The following ARHGAP10 variants were observed in gnomAD, a reference collection of about 807,000 sequenced individuals.
ARHGAP10 encodes the protein rho GTPase-activating protein 10.
A neutral mutation model predicts 108.6 loss-of-function variants in ARHGAP10; 87 were observed. That is an observed-to-expected ratio of 0.80 (90% CI 0.67 to 0.96). ARHGAP10 has a LOEUF of 0.96. Ranked by LOEUF, ARHGAP10 falls within the 40% of genes least tolerant of loss-of-function variation. ARHGAP10 has a pLI of 0.00. For synonymous variants in ARHGAP10, 347 were observed against 341.1 expected (o/e 1.02, Z -0.19); for missense variants, 939 against 954.5 (o/e 0.98, Z 0.21).
At chr4:147,859,331 G>A (rs1414281352) in intron 5 of ARHGAP10, among the ~76,000 whole-genome samples, 2 of 147,036 alleles carry the variant, frequency 1.4e-5, no homozygotes, top group East Asian at 4.0e-4. Context: ...GGAGTGCAAT[G>A]GTTAGATCTT....
At chr4:147,759,457 C>T (rs1729506468) in intron 1 of ARHGAP10, among the ~76,000 whole-genome samples, 1 of 152,018 alleles carries the variant, frequency 6.6e-6, no homozygotes, top group South Asian at 2.1e-4. Context: ...GCCTGTAGTA[C>T]CAGTTACTTG....
intron 3 of ARHGAP10, among the ~76,000 whole-genome samples, chr4:147,845,568 G>A (rs1165204280): frequency 6.6e-6 from 1 of 152,162 alleles, no homozygotes; most frequent in Non-Finnish European, 1.5e-5. Flanking sequence ...TACATGACTT[G>A]GAATCCCTAT....
chr4:147,951,441 T>C (rs891138568), intron 15 of ARHGAP10, among the ~76,000 whole-genome samples: 4 of 150,412 alleles, frequency 2.7e-5, no homozygotes, highest in Non-Finnish European at 5.9e-5. Flanking sequence ...GAAATGGGAA[T>C]GTAGGGGGAA....
chr4:147,830,739 C>T (rs1332666656), intron 3 of ARHGAP10, among the ~76,000 whole-genome samples: 2 of 152,008 alleles, frequency 1.3e-5, no homozygotes, highest in Admixed American at 6.6e-5. Flanking sequence ...AGGCTGGGCT[C>T]GAACTCGTGA....
chr4:147,802,359 T>C (rs1031675214), intron 1 of ARHGAP10, among the ~76,000 whole-genome samples: 3 of 152,146 alleles, frequency 2.0e-5, no homozygotes, highest in African/African-American at 7.2e-5. Flanking sequence ...AGTGATAGTG[T>C]GATGATGGTT....
At chr4:147,940,794 C>G (rs1738139686) in intron 14 of ARHGAP10, among the ~76,000 whole-genome samples, 1 of 152,168 alleles carries the variant, frequency 6.6e-6, no homozygotes, top group Non-Finnish European at 1.5e-5. Flanking sequence ...AATCAACTGC[C>G]ATGCTACAGA....
chr4:147,887,673 C>A (rs563150605), intron 10 of ARHGAP10, among the ~76,000 whole-genome samples: 1 of 152,024 alleles, frequency 6.6e-6, no homozygotes, highest in South Asian at 2.1e-4. Context: ...AGCAGCCTGA[C>A]CGATATGGTT....
intron 11 of ARHGAP10, among the ~76,000 whole-genome samples, chr4:147,908,330 A>G (rs879591596): frequency 1.3e-5 from 2 of 152,204 alleles, no homozygotes; most frequent in African/African-American, 2.4e-5. Context: ...CCATTAAAAT[A>G]CAGAAAAAAA....
chr4:147,883,867 G>GT (rs1735436636), intron 10 of ARHGAP10, among the ~76,000 whole-genome samples: 1 of 151,964 alleles, frequency 6.6e-6, no homozygotes, highest in African/African-American at 2.4e-5. Context: ...GCTAATTTTT[G>GT]TATTTTCAGT....
chr4:147,829,734 T>G (rs957244745), intron 3 of ARHGAP10, among the ~76,000 whole-genome samples: 1 of 152,246 alleles, frequency 6.6e-6, no homozygotes, highest in Non-Finnish European at 1.5e-5. Flanking sequence ...TCCAGGAATC[T>G]AAGGACTTTT....
Position 148,072,444 on chromosome 4 carries a change from T to C in ARHGAP10, c.*363T>C. 1 of 237,224 alleles carries C rather than the reference T, an allele frequency of 4.2e-6. No individual in the cohort carries two copies. Among genetic ancestry groups the C allele is most frequent in the Non-Finnish European group, 8.1e-6 (1 of 123,730 alleles). The allele number at this position is 237,224 out of a possible 1,614,324, so 14.7% of individuals were successfully genotyped here. On this transcript the variant is annotated 3_prime_UTR_variant, in exon 23 of 23. Coordinates refer to ENST00000336498, the MANE Select transcript of ARHGAP10 (RefSeq NM_024605.4). ...CCACCAGAGCCACCCTGGCTCCCTC[T>C]CCTCCCTGAGCACCTGCTGCTGCGA...
intron 18 of ARHGAP10, among the ~76,000 whole-genome samples, chr4:147,989,726 T>C (rs1006953648): frequency 7.2e-5 from 11 of 152,190 alleles, no homozygotes; most frequent in African/African-American, 2.7e-4. Flanking sequence ...CCACATTTCA[T>C]ATTGCTCAAA....
chr4:147,812,310 A>G (rs923811435), intron 1 of ARHGAP10, among the ~76,000 whole-genome samples: 1 of 152,146 alleles, frequency 6.6e-6, no homozygotes, highest in Admixed American at 6.5e-5. Context: ...CCCTCTTTGA[A>G]CACAGCTAGT....
intron 7 of ARHGAP10, 56 bp from the exon 8 acceptor site, chr4:147,874,965 A>T: frequency 6.9e-7 from 1 of 1,444,076 alleles, no homozygotes; most frequent in South Asian, 1.7e-5. Context: ...TAAAATGTTC[A>T]TGAGAAAACT....
Position 147,747,143 on chromosome 4 carries a change from C to T in ARHGAP10, c.154+14688C>T, listed in dbSNP as rs562970458. On this transcript the variant is annotated intron_variant, in intron 1 of 22. Transcript: ENST00000336498. ...TTCTGTTGCACTTAAAAGACCCAAACGGTCCTTCATCTTTTTTTTTTTTCC... is the reference window on the plus strand; with the variant it reads ...TTCTGTTGCACTTAAAAGACCCAAATGGTCCTTCATCTTTTTTTTTTTTCC... Among the ~76,000 whole-genome samples, 6 of 152,016 alleles carry T rather than the reference C, an allele frequency of 3.9e-5. No homozygotes were observed. In the South Asian group the frequency reaches 8.3e-4, roughly 21 times the overall value.
intron 1 of ARHGAP10, among the ~76,000 whole-genome samples, chr4:147,769,447 TA>T (rs1268886933): frequency 6.6e-6 from 1 of 152,208 alleles, no homozygotes; most frequent in Non-Finnish European, 1.5e-5. Flanking sequence ...TAATATACAT[TA>T]AAAATTGTGC....
intron 5 of ARHGAP10, among the ~76,000 whole-genome samples, chr4:147,859,886 C>T (rs534276536): frequency 6.6e-6 from 1 of 152,310 alleles, no homozygotes; most frequent in Non-Finnish European, 1.5e-5. Flanking sequence ...ACTTTTTAAT[C>T]TTGCTCTGTT....
intron 13 of ARHGAP10, among the ~76,000 whole-genome samples, chr4:147,922,981 A>G (rs1376121967): frequency 1.3e-5 from 2 of 152,226 alleles, no homozygotes; most frequent in Non-Finnish European, 2.9e-5. Flanking sequence ...ATTTCTAAAT[A>G]CAGGCATGCC....
intron 18 of ARHGAP10, among the ~76,000 whole-genome samples, chr4:148,006,069 G>A (rs1198145329): frequency 6.6e-6 from 1 of 152,152 alleles, no homozygotes; most frequent in African/African-American, 2.4e-5. Context: ...TTATACTATG[G>A]CAGGAGTGAC....
Sources: allele counts gnomAD v4.1 joint callset (sites outside exome capture counted in the v4.1 genomes callset), GRCh38; gene constraint gnomAD v4.1.1; transcripts MANE v1.5; gene names NCBI Gene and HGNC (gene_info 2026-07-23, HGNC 2026-07-21).